The following GABBR2 variants were observed in gnomAD, a reference collection of about 807,000 sequenced individuals.
GABBR2 encodes G-protein coupled receptor 51.
A neutral mutation model predicts 105.6 loss-of-function variants in GABBR2; 23 were observed. The observed-to-expected ratio is 0.22, with a 90% CI of 0.16 to 0.31. GABBR2 has a LOEUF of 0.31. GABBR2 is among the 10% of genes least tolerant of loss of function. The pLI is 1.00. For synonymous variants in GABBR2, 478 were observed against 499.7 expected, an observed-to-expected ratio of 0.96 and a Z score of 0.58; for missense variants, 734 against 1,245.5, an observed-to-expected ratio of 0.59 and a Z score of 6.18.
chr9:98,663,176 A>G (rs1588273920), intron 1 of GABBR2, among the ~76,000 whole-genome samples: 1 of 151,678 alleles, frequency 6.6e-6, no homozygotes, highest in African/African-American at 2.4e-5. Flanking sequence ...GGAGGGAGAA[A>G]TCACAAAGCT....
At position 98,355,035 on chromosome 9, in the gene GABBR2, T is replaced by C. The variant is rs61650894; in HGVS notation, c.1893+7680A>G. Among the ~76,000 whole-genome samples the C allele has an allele frequency of 8.4e-3, 1,273 of 152,226 alleles. 20 individuals carry two copies. The highest frequency in any genetic ancestry group is 0.029 in the African/African-American group (1,187 of 41,514). On this transcript the variant is annotated intron_variant, in intron 13 of 18. Coordinates refer to ENST00000259455, the MANE Select transcript of GABBR2 (RefSeq NM_005458.8). ...GAACACTTAGAGACAACTGCAGGGT[T>C]ATTAACTGACCTAACTTCAATATTG...
At chr9:98,599,074 C>T (rs1356427732) in intron 1 of GABBR2, among the ~76,000 whole-genome samples, 2 of 152,174 alleles carry the variant, frequency 1.3e-5, no homozygotes, top group African/African-American at 4.8e-5. Context: ...CGGGCACCCC[C>T]AGCTGCTGTA....
intron 7 of GABBR2, among the ~76,000 whole-genome samples, chr9:98,436,345 CA>C (rs1178128071): frequency 0.32 from 14,267 of 44,898 alleles, 4,056 homozygotes; most frequent in Non-Finnish European, 0.37. Flanking sequence ...CACACACACA[CA>C]CCATATATAT....
intron 6 of GABBR2, among the ~76,000 whole-genome samples, chr9:98,470,223 A>G (rs958749750): frequency 6.6e-6 from 1 of 152,192 alleles, no homozygotes; most frequent in Non-Finnish European, 1.5e-5. Flanking sequence ...GAGTCAAAAA[A>G]TCTTGGTAAT....
chr9:98,367,137 T>C (rs1031976074), intron 12 of GABBR2, among the ~76,000 whole-genome samples: 4 of 151,184 alleles, frequency 2.6e-5, no homozygotes, highest in African/African-American at 4.9e-5. Context: ...ATATAGGGCA[T>C]ATGGGGTGAA....
At chr9:98,435,532 C>T (rs1333580962) in intron 7 of GABBR2, among the ~76,000 whole-genome samples, 2 of 152,126 alleles carry the variant, frequency 1.3e-5, no homozygotes, top group East Asian at 3.9e-4. Flanking sequence ...CTCTGACCTG[C>T]TCTCCCCACC....
At chr9:98,316,990 C>G (rs577938298) in intron 13 of GABBR2, among the ~76,000 whole-genome samples, 4 of 152,188 alleles carry the variant, frequency 2.6e-5, no homozygotes, top group African/African-American at 9.6e-5. Flanking sequence ...TCACGTGCAT[C>G]ATTGTGTCAA....
chr9:98,682,481 T>G (rs1830563700), intron 1 of GABBR2, among the ~76,000 whole-genome samples: 1 of 147,516 alleles, frequency 6.8e-6, no homozygotes, highest in South Asian at 2.2e-4. Flanking sequence ...ATTCAAGCAA[T>G]TCTCGTGCCT....
At chr9:98,469,489 C>T (rs913075529) in intron 6 of GABBR2, among the ~76,000 whole-genome samples, 2 of 152,156 alleles carry the variant, frequency 1.3e-5, no homozygotes, top group African/African-American at 4.8e-5. Context: ...AGGGTTGGCT[C>T]CTTCTGGAAG....
At chr9:98,364,601 A>ATT (rs61391834) in intron 12 of GABBR2, among the ~76,000 whole-genome samples, 43 of 135,186 alleles carry the variant, frequency 3.2e-4, no homozygotes, top group African/African-American at 6.9e-4. Context: ...GAGGAAGTGG[A>ATT]TTTTTTTTTT....
At chr9:98,679,265 T>A (rs559905718) in intron 1 of GABBR2, among the ~76,000 whole-genome samples, 1 of 152,216 alleles carries the variant, frequency 6.6e-6, no homozygotes, top group African/African-American at 2.4e-5. Context: ...GCATACAATA[T>A]GACTGTCTTC....
chr9:98,295,708 T>G (rs1477258083), intron 17 of GABBR2, among the ~76,000 whole-genome samples: 1 of 152,148 alleles, frequency 6.6e-6, no homozygotes, highest in Non-Finnish European at 1.5e-5. Context: ...GTATTTTCAG[T>G]GGAGACAGGG....
At position 98,560,418 on chromosome 9, in the gene GABBR2, TATACACATACACACACACACACATAC is replaced by T. The variant is rs1461609280; in HGVS notation, c.459+17491_459+17516del. Among the ~76,000 whole-genome samples the T allele has an allele frequency of 1.0e-4, 10 of 97,392 alleles. No individual in the cohort carries two copies. In the East Asian group the frequency reaches 4.4e-3, roughly 43 times the overall value. The allele number at this position is 97,392 out of a possible 152,430, so 63.9% of individuals were successfully genotyped here. A position where few individuals can be genotyped will look rare whatever the true frequency, so the allele number is the denominator to read the frequency against. On this transcript the variant is annotated intron_variant, in intron 2 of 18. Transcript: ENST00000259455. ...ATACACACATACACACACACACACA[TATACACATACACACACACACACATAC>T]ACACACACACATATATACATGCACA...
chr9:98,670,142 A>T (rs1333880505), intron 1 of GABBR2, among the ~76,000 whole-genome samples: 1 of 152,228 alleles, frequency 6.6e-6, no homozygotes, highest in Non-Finnish European at 1.5e-5. Context: ...TTTAAAAAAT[A>T]AACAGGTTTA....
chr9:98,545,083 T>C lies in GABBR2; in HGVS notation c.460-3040A>G, dbSNP rs1828374974. On this transcript the variant is annotated intron_variant, in intron 2 of 18. Coordinates refer to ENST00000259455, the MANE Select transcript of GABBR2 (RefSeq NM_005458.8). The stretch of plus-strand genomic sequence containing the variant: ...AATACAATTTGGAAAATATTGGCTT[T>C]CTGATGTGATTTCTTAATCACACTC... 2.0e-5 allele frequency among the ~76,000 whole-genome samples: 3 copies of C among 152,240 alleles called. No homozygotes were observed. The South Asian group carries it at 6.2e-4, about 32-fold the overall frequency.
chr9:98,535,321 G>A (rs993773242), intron 3 of GABBR2, among the ~76,000 whole-genome samples: 4 of 151,846 alleles, frequency 2.6e-5, no homozygotes, highest in East Asian at 1.9e-4. Flanking sequence ...GGCTGGTCTC[G>A]AACTCCTGAC....
At chr9:98,448,440 C>T (rs1005016509) in intron 7 of GABBR2, among the ~76,000 whole-genome samples, 6 of 152,150 alleles carry the variant, frequency 3.9e-5, no homozygotes, top group Non-Finnish European at 5.9e-5. Context: ...TATTTTATTT[C>T]TTTTTTGAGA....
rs542436583 is a variant in GABBR2 at position 98,293,243 on chromosome 9, C to G, written c.2660+542G>C. 4.6e-5 allele frequency among the ~76,000 whole-genome samples: 7 copies of G among 152,314 alleles called. No individual in the cohort carries two copies. In the East Asian group the frequency reaches 1.3e-3, roughly 29 times the overall value. On this transcript the variant is annotated intron_variant, in intron 18 of 18. Coordinates refer to ENST00000259455, the MANE Select transcript of GABBR2 (RefSeq NM_005458.8). ...ATGTCACCATCTCATTGAGTCTTCT[C>G]TGACCACCCTATTTAAAATGACACT...
intron 7 of GABBR2, among the ~76,000 whole-genome samples, chr9:98,435,379 C>G (rs1378554259): frequency 6.6e-6 from 1 of 152,200 alleles, no homozygotes; most frequent in African/African-American, 2.4e-5. Flanking sequence ...CCTCCATCAT[C>G]CCCTCTCTTC....
Sources: allele counts gnomAD v4.1 joint callset (sites outside exome capture counted in the v4.1 genomes callset), GRCh38; gene constraint gnomAD v4.1.1; transcripts MANE v1.5; gene names NCBI Gene and HGNC (gene_info 2026-07-23, HGNC 2026-07-21).